The following TMTC2 variants were observed in gnomAD, a reference collection of about 807,000 sequenced individuals.
TMTC2 encodes the protein transmembrane O-mannosyltransferase targeting cadherins 2.
A neutral mutation model predicts 82.4 loss-of-function variants in TMTC2; 43 were observed. That is an observed-to-expected ratio of 0.52 (90% confidence interval 0.41 to 0.67). The LOEUF (loss-of-function observed/expected upper bound fraction) is 0.67. Among genes scored for constraint, TMTC2 ranks in the 30% least tolerant of loss-of-function variants. The pLI, the probability that TMTC2 is intolerant of heterozygous loss-of-function variation, is 0.00. For missense variants in TMTC2, 919 were observed against 1,012.4 expected, an observed-to-expected ratio of 0.91 and a Z score of 1.25; for synonymous variants, 408 against 381.9, an observed-to-expected ratio of 1.07 and a Z score of -0.80.
At chr12:83,034,155 A>G (rs752433336) in intron 9 of TMTC2, among the ~76,000 whole-genome samples, 15 of 152,118 alleles carry the variant, frequency 9.9e-5, no homozygotes, top group Non-Finnish European at 1.9e-4. Flanking sequence ...AGAAAGTAAT[A>G]CTGTATAGGA....
At chr12:82,937,061 TTTG>T (rs1167891188) in intron 4 of TMTC2, among the ~76,000 whole-genome samples, 5 of 152,332 alleles carry the variant, frequency 3.3e-5, no homozygotes, top group African/African-American at 1.2e-4. Flanking sequence ...GAATTGGACA[TTTG>T]TTGTTTCATT....
chr12:82,882,137 C>G (rs1872858365), intron 2 of TMTC2, among the ~76,000 whole-genome samples: 1 of 147,926 alleles, frequency 6.8e-6, no homozygotes, highest in Non-Finnish European at 1.5e-5. Context: ...GTAGCTGGGA[C>G]TACAGGCGCC....
chr12:82,941,362 A>G (rs1876709117), intron 4 of TMTC2, among the ~76,000 whole-genome samples: 1 of 152,190 alleles, frequency 6.6e-6, no homozygotes, highest in African/African-American at 2.4e-5. Context: ...TCAGGCACAT[A>G]GGCTTCAAAC....
intron 8 of TMTC2, among the ~76,000 whole-genome samples, chr12:83,008,995 G>A (rs1191437477): frequency 1.3e-5 from 2 of 152,200 alleles, no homozygotes; most frequent in African/African-American, 4.8e-5. Flanking sequence ...GGAACATTCT[G>A]TCATTAGTCA....
intron 1 of TMTC2, among the ~76,000 whole-genome samples, chr12:82,782,403 C>T (rs935252362): frequency 4.6e-5 from 7 of 152,118 alleles, no homozygotes; most frequent in Non-Finnish European, 8.8e-5. Context: ...GAATTGATTA[C>T]AGGCTTTATT....
intron 1 of TMTC2, among the ~76,000 whole-genome samples, chr12:82,732,728 G>C (rs1407200306): frequency 6.6e-6 from 1 of 152,220 alleles, no homozygotes; most frequent in Non-Finnish European, 1.5e-5. Context: ...GTTTCCAGCT[G>C]TGTGGAAGTG....
chr12:83,097,039 C>T (rs1884051895), intron 11 of TMTC2, among the ~76,000 whole-genome samples: 2 of 152,142 alleles, frequency 1.3e-5, no homozygotes, highest in South Asian at 4.1e-4. Context: ...TTCAGCATTA[C>T]ATACTTTACA....
intron 1 of TMTC2, among the ~76,000 whole-genome samples, chr12:82,706,686 A>G (rs888143114): frequency 2.0e-5 from 3 of 152,238 alleles, no homozygotes; most frequent in Non-Finnish European, 2.9e-5. Context: ...TGGATATAGT[A>G]GAAATGGAAA....
chr12:83,021,511 CT>C (rs1173647783), intron 8 of TMTC2, among the ~76,000 whole-genome samples: 1 of 152,098 alleles, frequency 6.6e-6, no homozygotes, highest in Non-Finnish European at 1.5e-5. Context: ...GGGAGGGTCA[CT>C]TGAACCCTGG....
intron 2 of TMTC2, among the ~76,000 whole-genome samples, chr12:82,858,735 G>A (rs1458973379): frequency 5.3e-5 from 8 of 151,494 alleles, no homozygotes; most frequent in African/African-American, 1.9e-4. Flanking sequence ...GAGTATTAAG[G>A]GCTTAATGAA....
intron 11 of TMTC2, among the ~76,000 whole-genome samples, chr12:83,094,344 A>G (rs967266528): frequency 6.6e-6 from 1 of 152,176 alleles, no homozygotes. Flanking sequence ...TTGAAGGAAG[A>G]TGTAGACAAT....
intron 8 of TMTC2, among the ~76,000 whole-genome samples, chr12:83,016,970 T>A (rs1425319842): frequency 1.3e-5 from 2 of 152,228 alleles, no homozygotes; most frequent in African/African-American, 4.8e-5. Context: ...TTTCTGTTCT[T>A]ACTATATAAC....
intron 3 of TMTC2, among the ~76,000 whole-genome samples, chr12:82,928,133 CA>C (rs1875827025): frequency 6.6e-6 from 1 of 151,738 alleles, no homozygotes; most frequent in Non-Finnish European, 1.5e-5. Flanking sequence ...TTAAAATATT[CA>C]AAGGTATGTC....
At chr12:82,855,521 C>A (rs1471073790) in intron 1 of TMTC2, among the ~76,000 whole-genome samples, 1 of 152,170 alleles carries the variant, frequency 6.6e-6, no homozygotes, top group Non-Finnish European at 1.5e-5. Flanking sequence ...GCCCTGATAT[C>A]AGACTAGGCA....
At chr12:82,871,736 T>A (rs12825212) in intron 2 of TMTC2, among the ~76,000 whole-genome samples, 6 of 149,132 alleles carry the variant, frequency 4.0e-5, no homozygotes, top group African/African-American at 1.5e-4. Context: ...GACCATTTCA[T>A]GCTTGTGCAT....
At chr12:82,798,862 T>C (rs911495074) in intron 1 of TMTC2, among the ~76,000 whole-genome samples, 26 of 149,802 alleles carry the variant, frequency 1.7e-4, no homozygotes, top group Admixed American at 2.0e-4. Context: ...TTGTGACTAA[T>C]GAACAGCCAG....
intron 8 of TMTC2, among the ~76,000 whole-genome samples, chr12:83,004,798 C>G (rs1446131907): frequency 9.1e-6 from 1 of 109,356 alleles, no homozygotes; most frequent in African/African-American, 3.6e-5. Flanking sequence ...AATTCAAGTT[C>G]CAATCCAGTA....
At chr12:83,030,717 T>C (rs1045192664) in intron 8 of TMTC2, 81 bp from the exon 9 acceptor site, 1 of 1,089,538 alleles carries the variant, frequency 9.2e-7, no homozygotes, top group African/African-American at 1.6e-5. Context: ...AAGTAGACAT[T>C]TGGCTACTTC....
intron 2 of TMTC2, among the ~76,000 whole-genome samples, chr12:82,863,382 T>C (rs575707798): frequency 6.6e-6 from 1 of 152,270 alleles, no homozygotes; most frequent in East Asian, 1.9e-4. Flanking sequence ...GTAGGGCTGT[T>C]TGTTAGGCCC....
Sources: allele counts gnomAD v4.1 joint callset (sites outside exome capture counted in the v4.1 genomes callset), GRCh38; gene constraint gnomAD v4.1.1; transcripts MANE v1.5; gene names NCBI Gene and HGNC (gene_info 2026-07-23, HGNC 2026-07-21).